CFAP61: variants seen among roughly 807,000 people sequenced by gnomAD.
CFAP61 encodes cilia- and flagella-associated protein 61.
A neutral mutation model predicts 135.6 loss-of-function variants in CFAP61; 107 were observed. The observed-to-expected ratio is 0.79, with a 90% CI of 0.67 to 0.93. The LOEUF (loss-of-function observed/expected upper bound fraction) is 0.93. Ranked by LOEUF, CFAP61 falls within the 40% of genes least tolerant of loss-of-function variation. The pLI is 0.00. For synonymous variants in CFAP61, 575 were observed against 578.5 expected, an observed-to-expected ratio of 0.99 and a Z score of 0.09; for missense variants, 1,507 against 1,556.2, an observed-to-expected ratio of 0.97 and a Z score of 0.53.
chr20:20,127,225 A>T (rs1350230440), intron 8 of CFAP61, among the ~76,000 whole-genome samples: 2 of 151,564 alleles, frequency 1.3e-5, no homozygotes, highest in Non-Finnish European at 2.9e-5. Context: ...CAGGTAAATC[A>T]GGGATTTCTT....
At chr20:20,257,879 T>C (rs903273231) in intron 20 of CFAP61, among the ~76,000 whole-genome samples, 17 of 152,214 alleles carry the variant, frequency 1.1e-4, no homozygotes, top group Admixed American at 1.1e-3. Context: ...CCAAGAGTAC[T>C]ATTTCAGTGT....
chr20:20,269,798 A>G (rs2053201048), intron 21 of CFAP61, among the ~76,000 whole-genome samples: 1 of 152,254 alleles, frequency 6.6e-6, no homozygotes, highest in African/African-American at 2.4e-5. Flanking sequence ...AGTATATTTT[A>G]GTAACGTGTT....
intron 22 of CFAP61, among the ~76,000 whole-genome samples, chr20:20,282,746 C>T (rs568211225): frequency 6.6e-6 from 1 of 152,106 alleles, no homozygotes; most frequent in South Asian, 2.1e-4. Flanking sequence ...CAAGACCAAC[C>T]TGCCCAACAT....
At chr20:20,335,952 T>C (rs943823108) in intron 25 of CFAP61, among the ~76,000 whole-genome samples, 7 of 152,206 alleles carry the variant, frequency 4.6e-5, no homozygotes, top group Non-Finnish European at 1.0e-4. Flanking sequence ...TCTGTGACCT[T>C]GGGCAACTCA....
chr20:20,135,898 C>T (rs1226035940), intron 8 of CFAP61, among the ~76,000 whole-genome samples: 2 of 152,156 alleles, frequency 1.3e-5, no homozygotes, highest in Non-Finnish European at 2.9e-5. Context: ...GAAGAACTCC[C>T]TTTAACATTT....
chr20:20,186,715 T>C (rs145418308), intron 13 of CFAP61, among the ~76,000 whole-genome samples: 164 of 152,350 alleles, frequency 1.1e-3, no homozygotes, highest in African/African-American at 3.8e-3. Context: ...GATATTGTTC[T>C]TTGCAAATAT....
rs891997932 is a variant in CFAP61 at position 20,359,118 on chromosome 20, T to C, written c.3514-1092T>C. 3.3e-5 allele frequency among the ~76,000 whole-genome samples: 5 copies of C among 152,208 alleles called. No individual in the cohort carries two copies. Among genetic ancestry groups the C allele is most frequent in the Non-Finnish European group, 5.9e-5 (4 of 68,040 alleles). On this transcript the variant is annotated intron_variant, in intron 26 of 26. Coordinates refer to ENST00000245957, the MANE Select transcript of CFAP61 (RefSeq NM_015585.4). This position sits in a 1 kb window ranked among gnomAD's most constrained non-coding sequence, Gnocchi z 4.0. ...TCTTCAACTTGTCTCTGAAAATTTT[T>C]ATAATGAAATGTTAGGAAAATCTCT...
At chr20:20,234,241 G>T (rs990353474) in intron 18 of CFAP61, among the ~76,000 whole-genome samples, 1 of 152,180 alleles carries the variant, frequency 6.6e-6, no homozygotes, top group Non-Finnish European at 1.5e-5. Context: ...GACATCTGAG[G>T]TCAGAGAATG....
At chr20:20,151,682 T>A (rs920434895) in intron 9 of CFAP61, among the ~76,000 whole-genome samples, 1 of 151,486 alleles carries the variant, frequency 6.6e-6, no homozygotes, top group Non-Finnish European at 1.5e-5. Context: ...AAAACAAAAT[T>A]AGCCAAGTGT....
Position 20,306,733 on chromosome 20 carries a change from C to T in CFAP61, c.3422+8347C>T, listed in dbSNP as rs554502038. Among the ~76,000 whole-genome samples the T allele has an allele frequency of 1.3e-3, 194 of 152,210 alleles. 1 individual carries two copies. Among genetic ancestry groups the T allele is most frequent in the Non-Finnish European group, 2.3e-3 (156 of 68,012 alleles). ...TCCCACAGTCCTTACGTTGCCCTTT[C>T]CAGGCAGGCAGAGGAAGGCGCTGGC... On this transcript the variant is annotated intron_variant, in intron 25 of 26. Transcript: ENST00000245957.
chr20:20,303,973 A>G (rs889516486), intron 25 of CFAP61, among the ~76,000 whole-genome samples: 68 of 152,220 alleles, frequency 4.5e-4, no homozygotes, highest in African/African-American at 1.6e-3. Flanking sequence ...AGCTGTGCCA[A>G]TGGGAACGGT....
At position 20,288,732 on chromosome 20, in the gene CFAP61, A is replaced by G. The variant is rs750154740; in HGVS notation, c.2920A>G (p.Ile974Val). 2 of 1,614,214 alleles carry G rather than the reference A, an allele frequency of 1.2e-6. No homozygotes were observed. Among genetic ancestry groups the G allele is most frequent in the Non-Finnish European group, 1.7e-6 (2 of 1,180,008 alleles). ...CAACTTCCACACCAACGACATAGCCATCAGAGCTGCTGGCTCCCTCACCAA... is the reference window on the plus strand; with the variant it reads ...CAACTTCCACACCAACGACATAGCCGTCAGAGCTGCTGGCTCCCTCACCAA... ...DTNFHTNDIA[I>V]RAAGSLTKFS... is the part of the protein sequence containing the mutation. Residue 974 changes from isoleucine to valine, a missense_variant, in exon 23 of 27, where the codon ATC becomes GTC. Physicochemically the swap from Ile to Val is conservative, Grantham distance 29. Coordinates refer to ENST00000245957, the MANE Select transcript of CFAP61 (RefSeq NM_015585.4).
At chr20:20,110,269 G>GA (rs1385276801) in intron 8 of CFAP61, among the ~76,000 whole-genome samples, 3 of 151,582 alleles carry the variant, frequency 2.0e-5, no homozygotes, top group Non-Finnish European at 2.9e-5. Flanking sequence ...ATTAACAGGA[G>GA]AAAAAAGTAT....
intron 13 of CFAP61, among the ~76,000 whole-genome samples, chr20:20,181,178 TATATATGC>T (rs767404115): frequency 3.7e-4 from 54 of 145,224 alleles, no homozygotes; most frequent in South Asian, 4.5e-4. Flanking sequence ...TATATACACA[TATATATGC>T]ATATATATGT....
Position 20,186,675 on chromosome 20 carries a change from TC to T in CFAP61, c.1386-1254del, listed in dbSNP as rs202123083. Among the ~76,000 whole-genome samples the T allele has an allele frequency of 9.5e-4, 145 of 152,356 alleles. 2 individuals carry two copies. In the East Asian group the frequency reaches 0.023, roughly 24 times the overall value. On this transcript the variant is annotated intron_variant, in intron 13 of 26. Transcript: ENST00000245957. ...TAAACATTAAGATGGTATTAATTGT[TC>T]ATCTTTTTATTAGTTAATTATAGAT...
rs537373204 is a variant in CFAP61, at chr20:20,247,135, C to T, written c.2159+920C>T. On this transcript the variant is annotated intron_variant, in intron 19 of 26. Coordinates refer to ENST00000245957, the MANE Select transcript of CFAP61 (RefSeq NM_015585.4). ...GCTTTTTTTGATCACGAGCAGTACA[C>T]GAGAAGCCAAGCTTGCTGGATTTTT... is the stretch of plus-strand genomic sequence containing the variant. Among the ~76,000 whole-genome samples the T allele has an allele frequency of 5.6e-4, 85 of 152,308 alleles. 1 individual carries two copies. The South Asian group carries it at 0.017, about 31-fold the overall frequency.
At chr20:20,339,286 T>C (rs1435975391) in intron 25 of CFAP61, among the ~76,000 whole-genome samples, 1 of 152,078 alleles carries the variant, frequency 6.6e-6, no homozygotes, top group Non-Finnish European at 1.5e-5. Context: ...GAAATACAAA[T>C]TTCCCAAAAG....
chr20:20,348,781 C>A (rs2058728908), intron 26 of CFAP61, among the ~76,000 whole-genome samples: 2 of 136,368 alleles, frequency 1.5e-5, no homozygotes, highest in East Asian at 2.3e-4. Context: ...CAAATACATT[C>A]TTATGGTAAA....
At chr20:20,260,075 C>G (rs1411347072) in intron 20 of CFAP61, among the ~76,000 whole-genome samples, 2 of 152,302 alleles carry the variant, frequency 1.3e-5, no homozygotes, top group Middle Eastern at 3.4e-3. Flanking sequence ...GGCTAGTGAC[C>G]TCTCTTGACC....
Sources: allele counts gnomAD v4.1 joint callset (sites outside exome capture counted in the v4.1 genomes callset), GRCh38; gene constraint gnomAD v4.1.1; non-coding constraint Gnocchi (gnomAD v3.1); transcripts MANE v1.5; gene names NCBI Gene and HGNC (gene_info 2026-07-23, HGNC 2026-07-21).